PUM2: variants seen among roughly 807,000 people sequenced by gnomAD.
The protein encoded by PUM2 is pumilio homolog 2.
PUM2 carries 57 observed loss-of-function variants against 124.5 expected under a neutral mutation model. The ratio of observed to expected loss-of-function variants is 0.46; its 90% CI spans 0.37 to 0.57. The LOEUF is 0.57. PUM2 is among the 20% of genes least tolerant of loss of function. The pLI, the probability that PUM2 is intolerant of heterozygous loss-of-function variation, is 0.00. For missense variants in PUM2, 1,065 were observed against 1,290.6 expected, an observed-to-expected ratio of 0.83 and a Z score of 2.68; for synonymous variants, 460 against 446.1, an observed-to-expected ratio of 1.03 and a Z score of -0.39.
chr2:20,260,040 T>C (rs1426518549), intron 15 of PUM2, among the ~76,000 whole-genome samples: 1 of 152,246 alleles, frequency 6.6e-6, no homozygotes, highest in Non-Finnish European at 1.5e-5. Flanking sequence ...AGTAAGGATG[T>C]TGAGCATCTT....
chr2:20,307,109 A>G (rs897595477), intron 7 of PUM2, among the ~76,000 whole-genome samples: 4 of 151,984 alleles, frequency 2.6e-5, no homozygotes, highest in African/African-American at 9.7e-5. Flanking sequence ...CCAGCTACTC[A>G]GAAGGCTGAG....
intron 12 of PUM2, 125 bp downstream of exon 12, chr2:20,282,822 C>CCAATTCCTACAAATAA: frequency 2.8e-6 from 3 of 1,083,590 alleles, no homozygotes; most frequent in Non-Finnish European, 3.8e-6. Flanking sequence ...CAAATTAAAC[C>CCAATTCCTACAAATAA]AGTAGTCCAA....
intron 2 of PUM2, among the ~76,000 whole-genome samples, chr2:20,324,787 C>T (rs781591805): frequency 5.9e-5 from 9 of 152,086 alleles, no homozygotes; most frequent in Non-Finnish European, 8.8e-5. Context: ...ACATCATGAT[C>T]TACAAAACAC....
intron 4 of PUM2, among the ~76,000 whole-genome samples, 158 bp from the exon 5 acceptor site, chr2:20,311,821 T>C (rs10168575): frequency 0.035 from 5,285 of 152,150 alleles, 90 homozygotes; most frequent in Middle Eastern, 0.068. Flanking sequence ...GGCCAAAAAA[T>C]TGCGTACAAA....
chr2:20,294,288 CG>C (rs540897361), intron 9 of PUM2, 87 bp downstream of exon 9: 450 of 1,465,266 alleles, frequency 3.1e-4, no homozygotes, highest in Non-Finnish European at 4.0e-4. Context: ...AGTGAGGAAA[CG>C]TAAGTCGAAA....
chr2:20,307,950 G>C, intron 7 of PUM2, 28 bp downstream of exon 7: 1 of 1,591,440 alleles, frequency 6.3e-7, no homozygotes, highest in Admixed American at 1.7e-5. Context: ...CAAGACTTTG[G>C]TCAAAATGAG....
chr2:20,260,299 C>G lies in PUM2; in HGVS notation c.2355+38G>C, dbSNP rs765365715. 1.2e-5 allele frequency: 19 copies of G among 1,567,476 alleles called. 1 individual carries two copies. Among genetic ancestry groups the G allele is most frequent in the Non-Finnish European group, 1.5e-5 (17 of 1,150,378 alleles). On this transcript the variant is annotated intron_variant, in intron 15 of 20. Transcript: ENST00000361078. ...TTTCTTAGCATCAAGTATACAACAG[C>G]TGGATGGGCGGATATACAAATATGC...
intron 4 of PUM2, 56 bp downstream of exon 4, chr2:20,312,180 C>A (rs1052639431): frequency 1.4e-6 from 2 of 1,435,300 alleles, no homozygotes; most frequent in Admixed American, 2.2e-5. Flanking sequence ...ATAAAAGTAA[C>A]GTAACCAAAT....
chr2:20,278,310 C>A (rs1670708476), intron 13 of PUM2, among the ~76,000 whole-genome samples: 1 of 151,872 alleles, frequency 6.6e-6, no homozygotes, highest in South Asian at 2.1e-4. Context: ...CTCTAAAACA[C>A]ACAAATCAAA....
At chr2:20,334,749 C>T (rs1685631666) in intron 1 of PUM2, among the ~76,000 whole-genome samples, 1 of 152,180 alleles carries the variant, frequency 6.6e-6, no homozygotes, top group South Asian at 2.1e-4. Flanking sequence ...TTTACCAACA[C>T]AAAATGACTA....
At chr2:20,294,757 C>T (rs1675108754) in intron 8 of PUM2, among the ~76,000 whole-genome samples, 1 of 152,162 alleles carries the variant, frequency 6.6e-6, no homozygotes, top group East Asian at 1.9e-4. Context: ...GACACTTAAC[C>T]ATCTATTCAA....
Position 20,283,108 on chromosome 2 carries a change from G to T in PUM2, c.1559C>A (p.Ser520Tyr). Residue 520 changes from serine (S) to tyrosine (Y), a missense_variant, in exon 12 of 21, where the codon TCT becomes TAT. Physicochemically the swap from Ser to Tyr is moderately radical, Grantham distance 144. Coordinates refer to ENST00000361078, the MANE Select transcript of PUM2 (RefSeq NM_015317.5). ...AGAACTGCTTCCATAAAATGAATTA[G>T]ATTGCAGATTAGTGCTTGGCTGCTG... ...QQQQPSTNLQ[S>Y]NSFYGSSSLT... 1 of 1,614,118 alleles carries T rather than the reference G, an allele frequency of 6.2e-7. No individual in the cohort carries two copies. Among genetic ancestry groups the T allele is most frequent in the Non-Finnish European group, 8.5e-7 (1 of 1,180,014 alleles).
At chr2:20,303,921 A>T (rs1677598668) in intron 7 of PUM2, among the ~76,000 whole-genome samples, 1 of 152,186 alleles carries the variant, frequency 6.6e-6, no homozygotes, top group Non-Finnish European at 1.5e-5. Context: ...ATACTCTTAC[A>T]TTCTTTGCAC....
At chr2:20,304,645 C>T (rs1677789303) in intron 7 of PUM2, among the ~76,000 whole-genome samples, 1 of 152,178 alleles carries the variant, frequency 6.6e-6, no homozygotes, top group Admixed American at 6.5e-5. Flanking sequence ...GTACAGAAGA[C>T]ATTTGTCAAC....
intron 1 of PUM2, among the ~76,000 whole-genome samples, chr2:20,345,224 C>T (rs1382790151): frequency 6.6e-6 from 1 of 151,664 alleles, no homozygotes; most frequent in Non-Finnish European, 1.5e-5. Flanking sequence ...CTCATTCCCA[C>T]CTCAGCCTCC....
chr2:20,268,510 C>T (rs13393733), intron 13 of PUM2, among the ~76,000 whole-genome samples: 54,685 of 151,822 alleles, frequency 0.36, 9,976 homozygotes, highest in Middle Eastern at 0.42. Flanking sequence ...CCCAGCTACT[C>T]GGGAGGCTGA....
At chr2:20,304,749 T>C (rs999156197) in intron 7 of PUM2, among the ~76,000 whole-genome samples, 1 of 152,232 alleles carries the variant, frequency 6.6e-6, no homozygotes, top group Non-Finnish European at 1.5e-5. Context: ...TGAGATCAGC[T>C]ATATTTCAAA....
chr2:20,344,231 C>G (rs547245073), intron 1 of PUM2, among the ~76,000 whole-genome samples: 1 of 152,098 alleles, frequency 6.6e-6, no homozygotes, highest in Non-Finnish European at 1.5e-5. Context: ...CCATGCCCAG[C>G]TAATTTTTGC....
At chr2:20,331,154 T>A (rs1225273760) in intron 1 of PUM2, among the ~76,000 whole-genome samples, 1 of 148,764 alleles carries the variant, frequency 6.7e-6, no homozygotes, top group Non-Finnish European at 1.5e-5. Context: ...CCACACGCGT[T>A]GTTTGGGAAT....
Sources: allele counts gnomAD v4.1 joint callset (sites outside exome capture counted in the v4.1 genomes callset), GRCh38; gene constraint gnomAD v4.1.1; transcripts MANE v1.5; gene names NCBI Gene and HGNC (gene_info 2026-07-23, HGNC 2026-07-21).